KLHDC7B: variants seen among roughly 807,000 people sequenced by gnomAD.
The protein encoded by KLHDC7B is kelch domain-containing protein 7B.
In KLHDC7B, 1 loss-of-function variant was observed where a neutral mutation model predicts 0.6. That is an observed-to-expected ratio of 1.71 (90% confidence interval 0.61 to 8.11). The LOEUF is 8.11. Among genes scored for constraint, KLHDC7B ranks in the 30% most tolerant of loss-of-function variants. The pLI is 0.13. For synonymous variants in KLHDC7B, 462 were observed against 405.2 expected, an observed-to-expected ratio of 1.14 and a Z score of -1.68; for missense variants, 993 against 894.9, an observed-to-expected ratio of 1.11 and a Z score of -1.40.
At position 50,549,403 on chromosome 22, in the gene KLHDC7B, G is replaced by A. The variant is rs943236885; in HGVS notation, c.3160G>A (p.Glu1054Lys). The change falls in exon 1 of 1, where the codon GAA becomes AAA. Residue 1054 changes from glutamate to lysine, a missense_variant. Physicochemically the swap from Glu to Lys is moderately conservative, Grantham distance 56. Coordinates refer to ENST00000648057, the MANE Select transcript of KLHDC7B (RefSeq NM_138433.5). ...LDGLLYAIGG[E>K]CLYSMECYDP... Reference sequence around the variant, plus strand: ...CGGGCTGCTCTATGCCATCGGTGGCGAATGCCTGTACAGCATGGAGTGCTA... The same window carrying A: ...CGGGCTGCTCTATGCCATCGGTGGCAAATGCCTGTACAGCATGGAGTGCTA... 19 of 1,612,652 alleles carry A rather than the reference G, an allele frequency of 1.2e-5. No individual in the cohort carries two copies. The highest frequency in any genetic ancestry group is 1.6e-4 in the Middle Eastern group (1 of 6,082).
At position 50,549,396 on chromosome 22, in the gene KLHDC7B, C is replaced by A. The variant is rs117231091; in HGVS notation, c.3153C>A (p.Ile1051=). Residue 1051 remains isoleucine (I), a synonymous_variant, in exon 1 of 1, where the codon ATC becomes ATA. Coordinates refer to ENST00000648057, the MANE Select transcript of KLHDC7B (RefSeq NM_138433.5). ...LVALDGLLYA[I]GGECLYSMEC... ...CCCTGGACGGGCTGCTCTATGCCATCGGTGGCGAATGCCTGTACAGCATGG... is the reference window on the plus strand; with the variant it reads ...CCCTGGACGGGCTGCTCTATGCCATAGGTGGCGAATGCCTGTACAGCATGG... 1.2e-6 allele frequency: 2 copies of A among 1,612,788 alleles called. No homozygotes were observed. The highest frequency in any genetic ancestry group is 1.7e-6 in the Non-Finnish European group (2 of 1,179,900).
chr22:50,548,490 C>A lies in KLHDC7B; in HGVS notation c.2247C>A (p.Pro749=), dbSNP rs1217436143. The A allele has an allele frequency of 6.4e-7, 1 of 1,566,904 alleles. No homozygotes were observed. Among genetic ancestry groups the A allele is most frequent in the East Asian group, 2.3e-5 (1 of 42,860 alleles). The change falls in exon 1 of 1, where the codon CCC becomes CCA. Residue 749 remains proline (P), a synonymous_variant. Coordinates refer to ENST00000648057, the MANE Select transcript of KLHDC7B (RefSeq NM_138433.5). The surrounding 1 kb of genome is among the most constrained non-coding windows in gnomAD (Gnocchi z 5.3). ...AAMPRGPAQP[P]AQRPPGPAAS... ...TGCCCAGGGGCCCCGCACAGCCCCC[C>A]GCGCAGAGGCCGCCTGGCCCCGCGG...
Position 50,548,399 on chromosome 22 carries a change from C to G in KLHDC7B, c.2156C>G (p.Pro719Arg). The part of the protein sequence containing the change: ...SETNGSPSPD[P>R]PPGLRGEGTR... ...ACCAACGGATCGCCCAGCCCAGACC[C>G]TCCCCCAGGCCTAAGAGGAGAGGGA... The change falls in exon 1 of 1, where the codon CCT becomes CGT. Residue 719 changes from proline (P) to arginine (R), a missense_variant. By Grantham distance (103) the Pro-to-Arg change is moderately radical. Coordinates refer to ENST00000648057, the MANE Select transcript of KLHDC7B (RefSeq NM_138433.5). The surrounding 1 kb of genome is among the most constrained non-coding windows in gnomAD (Gnocchi z 5.3). The G allele has an allele frequency of 6.4e-7, 1 of 1,556,806 alleles. No individual in the cohort carries two copies. Among genetic ancestry groups the G allele is most frequent in the Non-Finnish European group, 8.7e-7 (1 of 1,149,988 alleles).
rs1036300159 is a variant in KLHDC7B at position 50,549,208 on chromosome 22, G to A, written c.2965G>A (p.Gly989Ser). Reference protein sequence around the residue: ...VPEEAPLRGCGLCTMHNYLFL... With the variant: ...VPEEAPLRGCSLCTMHNYLFL... ...CGAGGAGGCCCCGCTTCGGGGCTGC[G>A]GTCTCTGCACCATGCACAACTACCT... Residue 989 changes from glycine to serine, a missense_variant, in exon 1 of 1, where the codon GGT becomes AGT. Coordinates refer to ENST00000648057, the MANE Select transcript of KLHDC7B (RefSeq NM_138433.5). 11 of 1,607,238 alleles carry A rather than the reference G, an allele frequency of 6.8e-6. No homozygotes were observed. The highest frequency in any genetic ancestry group is 2.2e-5 in the East Asian group (1 of 44,872).
In KLHDC7B at chr22:50,547,343, C is replaced by T. The variant is rs1041498715; in HGVS notation, c.1100C>T (p.Thr367Ile). 6.6e-6 allele frequency among the ~76,000 whole-genome samples: 1 copy of T among 151,904 alleles called. No individual in the cohort carries two copies. Among genetic ancestry groups the T allele is most frequent in the African/African-American group, 2.4e-5 (1 of 41,368 alleles). Residue 367 changes from threonine to isoleucine, a missense_variant, in exon 1 of 1, where the codon ACA becomes ATA. Transcript: ENST00000648057. ...CTCTCGTCCCAAGGGCCGGGTGCCA[C>T]AGGGGCCTACGATGCCGGCGAGGCC... ...RPLSSQGPGATGAYDAGEAGA... is the reference protein window; with the variant it reads ...RPLSSQGPGAIGAYDAGEAGA...
rs115113903 is a variant in KLHDC7B, at chr22:50,546,363, G to C, written c.120G>C (p.Ala40=). 5.5e-3 allele frequency: 2,185 copies of C among 399,480 alleles called. 44 individuals carry two copies. Among genetic ancestry groups the C allele is most frequent in the African/African-American group, 0.042 (2,026 of 48,754 alleles). The allele number at this position is 399,480 out of a possible 1,614,324, so 24.7% of individuals were successfully genotyped here. ...LLALAVVAAT[A]LALHWFGSGH... The stretch of plus-strand genomic sequence containing the variant: ...CGCTGGCTGTGGTGGCTGCCACAGC[G>C]CTGGCCTTACACTGGTTTGGCTCCG... The change falls in exon 1 of 1, where the codon GCG becomes GCC. Residue 40 remains alanine, a synonymous_variant. Coordinates refer to ENST00000648057, the MANE Select transcript of KLHDC7B (RefSeq NM_138433.5).
rs1181296745 is a variant in KLHDC7B, at chr22:50,546,025, G to T, written c.-219G>T. ...TGCAGAGACCCTGGGCTCCTATCCTGCCATAAGCCTCGCTGTCTCCTGATA... is the reference window on the plus strand; with the variant it reads ...TGCAGAGACCCTGGGCTCCTATCCTTCCATAAGCCTCGCTGTCTCCTGATA... On this transcript the variant is annotated 5_prime_UTR_variant, in exon 1 of 1. Transcript: ENST00000648057. Among the ~76,000 whole-genome samples the T allele has an allele frequency of 6.6e-6, 1 of 152,106 alleles. No individual in the cohort carries two copies. Among genetic ancestry groups the T allele is most frequent in the Non-Finnish European group, 1.5e-5 (1 of 68,008 alleles).
rs576173927 is a variant in KLHDC7B at position 50,547,380 on chromosome 22, C to T, written c.1137C>T (p.Ser379=). Among the ~76,000 whole-genome samples, 16 of 152,152 alleles carry T rather than the reference C, an allele frequency of 1.1e-4. No individual in the cohort carries two copies. Among genetic ancestry groups the T allele is most frequent in the African/African-American group, 3.9e-4 (16 of 41,528 alleles). The change falls in exon 1 of 1, where the codon AGC becomes AGT. Residue 379 remains serine (S), a synonymous_variant. Coordinates refer to ENST00000648057, the MANE Select transcript of KLHDC7B (RefSeq NM_138433.5). ...AYDAGEAGAD[S]SRDNSPAADL... Reference sequence around the variant, plus strand: ...ATGCCGGCGAGGCCGGGGCTGACAGCTCCCGAGATAACAGTCCTGCCGCTG... The same window carrying T: ...ATGCCGGCGAGGCCGGGGCTGACAGTTCCCGAGATAACAGTCCTGCCGCTG...
rs1460185767 is a variant in KLHDC7B at position 50,547,205 on chromosome 22, C to A, written c.962C>A (p.Ala321Asp). The change falls in exon 1 of 1, where the codon GCC (alanine) becomes GAC (aspartate). Residue 321 changes from alanine (A) to aspartate (D), a missense_variant. Coordinates refer to ENST00000648057, the MANE Select transcript of KLHDC7B (RefSeq NM_138433.5). Reference sequence around the variant, plus strand: ...AGCAGGGAGGCCTCGGGGGTCCCTGCCCCCGGAGGAGGCTGGCCCTGGGTC... The same window carrying A: ...AGCAGGGAGGCCTCGGGGGTCCCTGACCCCGGAGGAGGCTGGCCCTGGGTC... ...GWSREASGVP[A>D]PGGGWPWVSR... Among the ~76,000 whole-genome samples the A allele has an allele frequency of 2.0e-5, 3 of 151,894 alleles. No individual in the cohort carries two copies. The highest frequency in any genetic ancestry group is 4.4e-5 in the Non-Finnish European group (3 of 67,888).
chr22:50,549,941 C>A lies in KLHDC7B; in HGVS notation c.3698C>A (p.Thr1233Asn). The change falls in exon 1 of 1, where the codon ACC (threonine) becomes AAC (asparagine). Residue 1233 changes from threonine (T) to asparagine (N), a missense_variant. Transcript: ENST00000648057. ...CTGCCCCCTGAGGACCGGCTGCAGA[C>A]CTCACTCTGAGTGGCAGGCAGAGAA... is the stretch of plus-strand genomic sequence containing the variant. ...LTLPPEDRLQ[T>N]SL 1 of 1,559,766 alleles carries A rather than the reference C, an allele frequency of 6.4e-7. No homozygotes were observed. Among genetic ancestry groups the A allele is most frequent in the Non-Finnish European group, 8.7e-7 (1 of 1,147,282 alleles).
Position 50,549,753 on chromosome 22 carries a change from C to CCCCCCCCCCCCCCT in KLHDC7B, c.1587_1588insCCCCCCCCCCCCCT (p.Ala530ProfsTer58). On this transcript the variant is annotated frameshift_variant, in exon 1 of 1. Coordinates refer to the KLHDC7B transcript ENST00000395676. LOFTEE classifies it low-confidence loss of function (END_TRUNC). ...CTGCCTCCCTGCCCCTGCCCGCCCC[C>CCCCCCCCCCCCCCT]GCCCCACTGCACTGCACCACCCTGG... 6.3e-7 allele frequency: 1 copy of CCCCCCCCCCCCCCT among 1,578,518 alleles called. No individual in the cohort carries two copies. The highest frequency in any genetic ancestry group is 8.6e-7 in the Non-Finnish European group (1 of 1,167,704).
Position 50,549,021 on chromosome 22 carries a change from C to A in KLHDC7B, c.2778C>A (p.Val926=). The A allele has an allele frequency of 6.3e-7, 1 of 1,596,240 alleles. No homozygotes were observed. Reference sequence around the variant, plus strand: ...GCCGGGGCCGGGCGGTGCTGGGCGTCCTCGTACTGCCCAGCCTCTACCAGG... The same window carrying A: ...GCCGGGGCCGGGCGGTGCTGGGCGTACTCGTACTGCCCAGCCTCTACCAGG... The part of the protein sequence containing the change: ...RTGRGRAVLG[V]LVLPSLYQGG... The change falls in exon 1 of 1, where the codon GTC becomes GTA. Residue 926 remains valine (V), a synonymous_variant. Coordinates refer to ENST00000648057, the MANE Select transcript of KLHDC7B (RefSeq NM_138433.5).
rs2069754986 is a variant in KLHDC7B at position 50,548,144 on chromosome 22, C to T, written c.1901C>T (p.Ala634Val). The T allele has an allele frequency of 5.4e-6, 8 of 1,477,612 alleles. No homozygotes were observed. The East Asian group carries it at 2.0e-4, about 37-fold the overall frequency. 91.5% of individuals were successfully genotyped at this position (1,477,612 alleles called of 1,614,324 possible). Residue 634 changes from alanine to valine, a missense_variant, in exon 1 of 1, where the codon GCC (alanine) becomes GTC (valine). Ala to Val is a moderately conservative substitution (Grantham distance 64). Transcript: ENST00000648057. The surrounding 1 kb of genome is among the most constrained non-coding windows in gnomAD (Gnocchi z 5.3). Reference sequence around the variant, plus strand: ...CGCTACCAGGAGGGGCAGGTCTCAGCCAGCTGGGGAAACCTTATTGCCATG... The same window carrying T: ...CGCTACCAGGAGGGGCAGGTCTCAGTCAGCTGGGGAAACCTTATTGCCATG... ...PRRYQEGQVS[A>V]SWGNLIAMVL... is the part of the protein sequence containing the mutation.
rs1480906998 is a variant in KLHDC7B at position 50,546,764 on chromosome 22, C to T, written c.521C>T (p.Pro174Leu). ...GRSEAGGMSA[P>L]LLIHFTPRSP... is the part of the protein sequence containing the mutation. ...AGCGAAGCAGGGGGGATGTCCGCCC[C>T]CCTCCTGATCCACTTCACTCCTCGG... Residue 174 changes from proline (P) to leucine (L), a missense_variant, in exon 1 of 1, where the codon CCC (proline) becomes CTC (leucine). Coordinates refer to ENST00000648057, the MANE Select transcript of KLHDC7B (RefSeq NM_138433.5). Among the ~76,000 whole-genome samples, 2 of 152,152 alleles carry T rather than the reference C, an allele frequency of 1.3e-5. No individual in the cohort carries two copies. The highest frequency in any genetic ancestry group is 4.8e-5 in the African/African-American group (2 of 41,450).
chr22:50,549,514 G>A lies in KLHDC7B; in HGVS notation c.3271G>A (p.Gly1091Arg). 1 of 1,610,782 alleles carries A rather than the reference G, an allele frequency of 6.2e-7. No homozygotes were observed. The highest frequency in any genetic ancestry group is 8.5e-7 in the Non-Finnish European group (1 of 1,178,656). ...GGCCCACGAGGCTGTGGCCTGCCGT[G>A]GGGACATCTACGTCACCGGGGGTCA... ...PVAHEAVACR[G>R]DIYVTGGHLF... is the part of the protein sequence containing the mutation. The change falls in exon 1 of 1, where the codon GGG becomes AGG. Residue 1091 changes from glycine (G) to arginine (R), a missense_variant. Coordinates refer to ENST00000648057, the MANE Select transcript of KLHDC7B (RefSeq NM_138433.5).
At position 50,549,089 on chromosome 22, in the gene KLHDC7B, C is replaced by G; in HGVS notation, c.2846C>G (p.Pro949Arg). The change falls in exon 1 of 1, where the codon CCT becomes CGT. Residue 949 changes from proline (P) to arginine (R), a missense_variant. Coordinates refer to ENST00000648057, the MANE Select transcript of KLHDC7B (RefSeq NM_138433.5). Reference protein sequence around the residue: ...GLPRGPRGEEPPAAAPVSLPL... With the variant: ...GLPRGPRGEERPAAAPVSLPL... ...CCCAGGGGCCCTCGTGGCGAGGAGC[C>G]TCCTGCGGCGGCCCCTGTGTCCCTG... The G allele has an allele frequency of 6.2e-7, 1 of 1,600,500 alleles. No homozygotes were observed. The highest frequency in any genetic ancestry group is 1.1e-5 in the South Asian group (1 of 91,018).
rs1300010332 is a variant in KLHDC7B at position 50,549,341 on chromosome 22, A to G, written c.3098A>G (p.Gln1033Arg). Residue 1033 changes from glutamine to arginine, a missense_variant, in exon 1 of 1, where the codon CAG (glutamine) becomes CGG (arginine). By Grantham distance (43) the Gln-to-Arg change is conservative (BLOSUM62 1). Transcript: ENST00000648057. ...ATCTGGAGCCAGGTTCGGCCCATGC[A>G]GCAGGCCCGAGCCCAGCTCAAGCTG... ...TNIWSQVRPM[Q>R]QARAQLKLVA... 1.9e-6 allele frequency: 3 copies of G among 1,612,866 alleles called. No individual in the cohort carries two copies. The highest frequency in any genetic ancestry group is 2.2e-5 in the East Asian group (1 of 44,882).
chr22:50,550,317 G>C lies in KLHDC7B; in HGVS notation c.*366G>C, dbSNP rs1203272931. On this transcript the variant is annotated 3_prime_UTR_variant, in exon 1 of 1. Coordinates refer to ENST00000648057, the MANE Select transcript of KLHDC7B (RefSeq NM_138433.5). ...GAGCTCTGCTGAGCCGAGAGAGGAG[G>C]GGGTAGAAAACATTCACACTTCCTA... 7.3e-5 allele frequency: 19 copies of C among 259,494 alleles called. No homozygotes were observed. In the East Asian group the frequency reaches 1.2e-3, roughly 17 times the overall value. The allele number at this position is 259,494 out of a possible 1,614,324, so 16.1% of individuals were successfully genotyped here.
In KLHDC7B at chr22:50,549,187, G is replaced by A; in HGVS notation, c.2944G>A (p.Glu982Lys). 6.2e-7 allele frequency: 1 copy of A among 1,606,084 alleles called. No homozygotes were observed. ...GCGGCCCCTGACCCAGGTGCCCGAG[G>A]AGGCCCCGCTTCGGGGCTGCGGTCT... ...TWRPLTQVPE[E>K]APLRGCGLCT... is the part of the protein sequence containing the mutation. The change falls in exon 1 of 1, where the codon GAG (glutamate) becomes AAG (lysine). Residue 982 changes from glutamate (E) to lysine (K), a missense_variant. By Grantham distance (56) the Glu-to-Lys change is moderately conservative (BLOSUM62 1). Coordinates refer to ENST00000648057, the MANE Select transcript of KLHDC7B (RefSeq NM_138433.5).
Sources: gnomAD v4.1 joint callset for allele counts (sites outside exome capture counted in the v4.1 genomes callset) on GRCh38, gnomAD v4.1.1 for gene constraint, Gnocchi (gnomAD v3.1) non-coding constraint, MANE v1.5 for transcripts, NCBI Gene and HGNC (gene_info 2026-07-23, HGNC 2026-07-21) for gene names.